Variants in C1orf210 observed in about 807,000 individuals in gnomAD.
C1orf210 encodes the protein chromosome 1 open reading frame 210, also known as type III endosome membrane protein TEMP.
C1orf210 carries 3 observed loss-of-function variants against 3.7 expected under a neutral mutation model. The observed-to-expected ratio is 0.81, with a 90% CI of 0.37 to 2.08. The LOEUF is 2.08. Ranked by LOEUF, C1orf210 falls within the 30% of genes most tolerant of loss-of-function variation. C1orf210 has a pLI of 0.06. For synonymous variants in C1orf210, 62 were observed against 61.7 expected, an observed-to-expected ratio of 1.00 and a Z score of -0.02; for missense variants, 143 against 147.7, an observed-to-expected ratio of 0.97 and a Z score of 0.17.
upstream of C1orf210, among the ~76,000 whole-genome samples, chr1:43,285,834 G>C (rs920414387): frequency 2.0e-5 from 3 of 152,202 alleles, no homozygotes; most frequent in Non-Finnish European, 4.4e-5. Flanking sequence ...AGCGTCCAGC[G>C]GGCCCTAGAG....
At position 43,282,449 on chromosome 1, in the gene C1orf210, G is replaced by A. The variant is rs961379480; in HGVS notation, c.*336C>T. The A allele has an allele frequency of 8.2e-6, 2 of 244,830 alleles. No homozygotes were observed. The highest frequency in any genetic ancestry group is 5.1e-5 in the Admixed American group (1 of 19,684). 15.2% of individuals were successfully genotyped at this position (244,830 alleles called of 1,614,324 possible). A position where few individuals can be genotyped will look rare whatever the true frequency, so the allele number is the denominator to read the frequency against. ...TGGGGAAACTGCATGGGAAGTGGTG[G>A]GAGGGAGAATAACATTGATTTCGAC... On this transcript the variant is annotated 3_prime_UTR_variant, in exon 3 of 3. Coordinates refer to ENST00000523677, the MANE Select transcript of C1orf210 (RefSeq NM_182517.3).
chr1:43,284,026 C>T (rs945787953), intron 1 of C1orf210, among the ~76,000 whole-genome samples: 1 of 152,230 alleles, frequency 6.6e-6, no homozygotes, highest in African/African-American at 2.4e-5. Flanking sequence ...AGGAGGCCCA[C>T]ACTCTGCCCC....
chr1:43,284,816 G>T (rs947831458), intron 1 of C1orf210, among the ~76,000 whole-genome samples: 3 of 152,014 alleles, frequency 2.0e-5, no homozygotes, highest in Non-Finnish European at 4.4e-5. Context: ...CCCTGGCCAC[G>T]CCCTCCTCAG....
rs770832882 is a variant in C1orf210 at position 43,283,262 on chromosome 1, C to T, written c.9G>A (p.Glu3=). 4.3e-5 allele frequency: 70 copies of T among 1,614,062 alleles called. No homozygotes were observed. In the Middle Eastern group the frequency reaches 3.6e-3, roughly 84 times the overall value. ...CCCACTGTCACTCACTTTTGTTTGT[C>T]TCATTCATGGAGGGGCCTGATGACA... MN[E]TNKTLVGPSE... Residue 3 remains glutamate, a synonymous_variant, in exon 2 of 3, where the codon GAG becomes GAA. Transcript: ENST00000523677.
rs1469926715 is a variant in C1orf210 at position 43,282,817 on chromosome 1, T to A, written c.310A>T (p.Thr104Ser). ...YIQPGTGELG[T>S]EGSRDHFSL ...GAGAAGTGGTCCCTGCTACCCTCTGTCCCCAGCTCGCCAGTCCCAGGCTGA... is the reference window on the plus strand; with the variant it reads ...GAGAAGTGGTCCCTGCTACCCTCTGACCCCAGCTCGCCAGTCCCAGGCTGA... The change falls in exon 3 of 3, where the codon ACA becomes TCA. Residue 104 changes from threonine to serine, a missense_variant. Physicochemically the swap from Thr to Ser is moderately conservative, Grantham distance 58. Transcript: ENST00000523677. The A allele has an allele frequency of 6.2e-7, 1 of 1,609,912 alleles. No homozygotes were observed. Among genetic ancestry groups the A allele is most frequent in the African/African-American group, 1.3e-5 (1 of 74,874 alleles).
chr1:43,284,085 C>T lies in C1orf210; in HGVS notation c.-98-717G>A, dbSNP rs542166635. On this transcript the variant is annotated intron_variant, in intron 1 of 2. Transcript: ENST00000523677. ...GTATCCAAATGAGGATCACCTGAAT[C>T]AGGAAATTATCACCCAGGGCTGGGG... 5.9e-5 allele frequency among the ~76,000 whole-genome samples: 9 copies of T among 152,266 alleles called. No individual in the cohort carries two copies. The South Asian group carries it at 1.9e-3, about 32-fold the overall frequency.
In C1orf210 at chr1:43,282,668, TG is replaced by T; in HGVS notation, c.*116del. 9.5e-7 allele frequency: 1 copy of T among 1,057,864 alleles called. No individual in the cohort carries two copies. The highest frequency in any genetic ancestry group is 1.4e-6 in the Non-Finnish European group (1 of 728,208). The allele number at this position is 1,057,864 out of a possible 1,614,324, so 65.5% of individuals were successfully genotyped here. ...AGGGAAGTGGGGTTTACTCCATCCC[TG>T]GCCAACCTTTAAGCCCCAGCCACCT... On this transcript the variant is annotated 3_prime_UTR_variant, in exon 3 of 3. Coordinates refer to ENST00000523677, the MANE Select transcript of C1orf210 (RefSeq NM_182517.3).
chr1:43,282,626 C>T lies in C1orf210; in HGVS notation c.*159G>A, dbSNP rs1646553584. On this transcript the variant is annotated 3_prime_UTR_variant, in exon 3 of 3. Transcript: ENST00000523677. The stretch of plus-strand genomic sequence containing the variant: ...ATTGAGCAAGAGAGGGTCATTGTCA[C>T]TTTGCTGGCTAGTGTCAGGGAAGTG... 1 of 652,452 alleles carries T rather than the reference C, an allele frequency of 1.5e-6. No individual in the cohort carries two copies. The allele number at this position is 652,452 out of a possible 1,614,324, so 40.4% of individuals were successfully genotyped here. A position where few individuals can be genotyped will look rare whatever the true frequency, so the allele number is the denominator to read the frequency against.
rs539484104 is a variant in C1orf210 at position 43,285,092 on chromosome 1, C to T, written c.-99+352G>A. Among the ~76,000 whole-genome samples the T allele has an allele frequency of 2.6e-5, 4 of 152,268 alleles. No homozygotes were observed. The East Asian group carries it at 7.7e-4, about 29-fold the overall frequency. On this transcript the variant is annotated intron_variant, in intron 1 of 2. Coordinates refer to ENST00000523677, the MANE Select transcript of C1orf210 (RefSeq NM_182517.3). ...GTGAGAGTGAATATACAGGTGGGAG[C>T]GGGAGAGACGTCCTGGGAAGGAGAG... is the stretch of plus-strand genomic sequence containing the variant.
chr1:43,283,352 G>A lies in C1orf210; in HGVS notation c.-82C>T. 1 of 1,569,760 alleles carries A rather than the reference G, an allele frequency of 6.4e-7. No homozygotes were observed. Among genetic ancestry groups the A allele is most frequent in the East Asian group, 2.2e-5 (1 of 44,602 alleles). ...TGAGGAGGCCCCCAGATGCCAGGCA[G>A]CCCCAGGGCACAAGTCCTAGAAAAT... is the stretch of plus-strand genomic sequence containing the variant. On this transcript the variant is annotated 5_prime_UTR_variant, in exon 2 of 3. Coordinates refer to ENST00000523677, the MANE Select transcript of C1orf210 (RefSeq NM_182517.3).
chr1:43,282,442 A>C lies in C1orf210; in HGVS notation c.*343T>G. The C allele has an allele frequency of 1.3e-5, 3 of 227,450 alleles. No homozygotes were observed. Among genetic ancestry groups the C allele is most frequent in the Non-Finnish European group, 2.6e-5 (3 of 116,672 alleles). The allele number at this position is 227,450 out of a possible 1,614,324, so 14.1% of individuals were successfully genotyped here. A position where few individuals can be genotyped will look rare whatever the true frequency, so the allele number is the denominator to read the frequency against. ...AGGTGCCTGGGGAAACTGCATGGGA[A>C]GTGGTGGGAGGGAGAATAACATTGA... On this transcript the variant is annotated 3_prime_UTR_variant, in exon 3 of 3. Coordinates refer to ENST00000523677, the MANE Select transcript of C1orf210 (RefSeq NM_182517.3).
intron 1 of C1orf210, among the ~76,000 whole-genome samples, chr1:43,284,214 A>G (rs990236179): frequency 4.6e-5 from 7 of 152,230 alleles, no homozygotes; most frequent in African/African-American, 1.7e-4. Context: ...GAGTGTCTGG[A>G]GGAGGCGCAC....
rs1046694652 is a variant in C1orf210, at chr1:43,282,837, G to A, written c.290C>T (p.Pro97Leu). 15 of 1,613,714 alleles carry A rather than the reference G, an allele frequency of 9.3e-6. No individual in the cohort carries two copies. In the African/African-American group the frequency reaches 2.0e-4, roughly 22 times the overall value. The change falls in exon 3 of 3, where the codon CCT becomes CTT. Residue 97 changes from proline (P) to leucine (L), a missense_variant. Physicochemically the swap from Pro to Leu is moderately conservative, Grantham distance 98 (BLOSUM62 -3). Coordinates refer to ENST00000523677, the MANE Select transcript of C1orf210 (RefSeq NM_182517.3). ...CTCTGTCCCCAGCTCGCCAGTCCCAGGCTGAATGTAATTGTCCTCGATGAA... is the reference window on the plus strand; with the variant it reads ...CTCTGTCCCCAGCTCGCCAGTCCCAAGCTGAATGTAATTGTCCTCGATGAA... Reference protein sequence around the residue: ...DGFIEDNYIQPGTGELGTEGS... With the variant: ...DGFIEDNYIQLGTGELGTEGS...
At chr1:43,284,514 C>T (rs1432107371) in intron 1 of C1orf210, among the ~76,000 whole-genome samples, 2 of 152,086 alleles carry the variant, frequency 1.3e-5, no homozygotes, top group East Asian at 3.9e-4. Context: ...CCCTCTTCTC[C>T]ACCCCACTGC....
Position 43,282,667 on chromosome 1 carries a change from C to A in C1orf210, c.*118G>T. 9.5e-7 allele frequency: 1 copy of A among 1,051,460 alleles called. No homozygotes were observed. The highest frequency in any genetic ancestry group is 1.4e-6 in the Non-Finnish European group (1 of 722,924). 65.1% of individuals were successfully genotyped at this position (1,051,460 alleles called of 1,614,324 possible). A position where few individuals can be genotyped will look rare whatever the true frequency, so the allele number is the denominator to read the frequency against. On this transcript the variant is annotated 3_prime_UTR_variant, in exon 3 of 3. Coordinates refer to ENST00000523677, the MANE Select transcript of C1orf210 (RefSeq NM_182517.3). Reference sequence around the variant, plus strand: ...CAGGGAAGTGGGGTTTACTCCATCCCTGGCCAACCTTTAAGCCCCAGCCAC... The same window carrying A: ...CAGGGAAGTGGGGTTTACTCCATCCATGGCCAACCTTTAAGCCCCAGCCAC...
Position 43,283,055 on chromosome 1 carries a change from TG to T in C1orf210, c.71del (p.Pro24GlnfsTer12). The T allele has an allele frequency of 2.5e-6, 4 of 1,614,030 alleles. No individual in the cohort carries two copies. The South Asian group carries it at 4.4e-5, about 18-fold the overall frequency. On this transcript the variant is annotated frameshift_variant, in exon 3 of 3. Coordinates refer to ENST00000523677, the MANE Select transcript of C1orf210 (RefSeq NM_182517.3). LOFTEE classifies it high-confidence loss of function. ...CAGGCCATGCCCGAGCCCCAGTGCC[TG>T]GGCCAGGGGCCACAGCAGACGCTGT... ...LPTASAVAPG[P>X]GTGARAWPVL...
intron 1 of C1orf210, among the ~76,000 whole-genome samples, chr1:43,284,237 A>C (rs1236330103): frequency 6.6e-6 from 1 of 152,088 alleles, no homozygotes; most frequent in Non-Finnish European, 1.5e-5. Context: ...GAATCTGGGG[A>C]GTATCTAGAG....
At position 43,283,380 on chromosome 1, in the gene C1orf210, C is replaced by T; in HGVS notation, c.-98-12G>A. 6.9e-7 allele frequency: 1 copy of T among 1,446,748 alleles called. No homozygotes were observed. Among genetic ancestry groups the T allele is most frequent in the Non-Finnish European group, 9.5e-7 (1 of 1,057,656 alleles). The allele number at this position is 1,446,748 out of a possible 1,614,324, so 89.6% of individuals were successfully genotyped here. On this transcript the variant is annotated splice_polypyrimidine_tract_variant and intron_variant, in intron 1 of 2. Coordinates refer to ENST00000523677, the MANE Select transcript of C1orf210 (RefSeq NM_182517.3). ...CCAGGGCACAAGTCCTAGAAAATAACATAGGTATGGGTGTCAGGGATGGTC... is the reference window on the plus strand; with the variant it reads ...CCAGGGCACAAGTCCTAGAAAATAATATAGGTATGGGTGTCAGGGATGGTC...
rs1314371010 is a variant in C1orf210, at chr1:43,282,123, G to A, written c.*662C>T. The stretch of plus-strand genomic sequence containing the variant: ...CTACTAAAAATATAAAAATTAGCTG[G>A]GCGTGGTGGCGGATGCCTGTAATCC... On this transcript the variant is annotated 3_prime_UTR_variant, in exon 3 of 3. Transcript: ENST00000523677. The A allele has an allele frequency of 1.3e-5, 2 of 152,192 alleles. No homozygotes were observed. Among genetic ancestry groups the A allele is most frequent in the Admixed American group, 1.3e-4 (2 of 15,290 alleles). The allele number at this position is 152,192 out of a possible 1,614,324, so 9.4% of individuals were successfully genotyped here. A position where few individuals can be genotyped will look rare whatever the true frequency, so the allele number is the denominator to read the frequency against.
Sources: allele counts gnomAD v4.1 joint callset (sites outside exome capture counted in the v4.1 genomes callset), GRCh38; gene constraint gnomAD v4.1.1; transcripts MANE v1.5; gene names NCBI Gene and HGNC (gene_info 2026-07-23, HGNC 2026-07-21).